The following SAMMSON variants were observed in gnomAD, a reference collection of about 807,000 sequenced individuals.
The protein encoded by SAMMSON is survival associated mitochondrial melanoma specific oncogenic non-coding RNA, also known as long intergenic non-protein coding RNA 1212.
chr3:70,198,057 A>G (rs1701198383), intron 4 of SAMMSON, among the ~76,000 whole-genome samples: 1 of 152,162 alleles, frequency 6.6e-6, no homozygotes, highest in Non-Finnish European at 1.5e-5. Flanking sequence ...TAAAATTTTA[A>G]CTTTTCTTTC....
chr3:70,101,518 G>A (rs2106654545), intron 4 of SAMMSON, among the ~76,000 whole-genome samples: 1 of 152,198 alleles, frequency 6.6e-6, no homozygotes, highest in East Asian at 1.9e-4. Flanking sequence ...TGCATTAATT[G>A]TATAGATTAA....
intron 4 of SAMMSON, among the ~76,000 whole-genome samples, chr3:70,186,617 G>A (rs1007795567): frequency 6.6e-6 from 1 of 152,076 alleles, no homozygotes; most frequent in Non-Finnish European, 1.5e-5. Context: ...ATAGTTGAAA[G>A]GGGTTTCATT....
chr3:70,029,854 T>C (rs963011054), intron 3 of SAMMSON, among the ~76,000 whole-genome samples: 1 of 152,176 alleles, frequency 6.6e-6, no homozygotes, highest in Non-Finnish European at 1.5e-5. Context: ...AAGAATTGGT[T>C]GAAATCCTTG....
intron 2 of SAMMSON, among the ~76,000 whole-genome samples, chr3:70,431,638 G>A (rs1701413295): frequency 6.6e-6 from 1 of 151,968 alleles, no homozygotes; most frequent in African/African-American, 2.4e-5. Flanking sequence ...ACAATTCACA[G>A]ATCTTAAGTC....
chr3:70,137,196 A>G (rs867349482), intron 4 of SAMMSON, among the ~76,000 whole-genome samples: 36 of 152,298 alleles, frequency 2.4e-4, no homozygotes, highest in Middle Eastern at 6.8e-3. Context: ...TGCCTTTTTT[A>G]CAAATGTAAA....
In SAMMSON at chr3:70,015,870, G is replaced by A. The variant is rs568220923; in HGVS notation, n.417+2198G>A. 5.3e-5 allele frequency among the ~76,000 whole-genome samples: 8 copies of A among 152,126 alleles called. No homozygotes were observed. The East Asian group carries it at 5.8e-4, about 11-fold the overall frequency. On this transcript the variant is annotated intron_variant and non_coding_transcript_variant, in intron 3 of 9. Coordinates refer to ENST00000642114, the Ensembl canonical transcript of SAMMSON. ...AGAATGATGGTTTCCAGCTTCATCCGTGTCCCTACAAAGGACATGAACTCA... is the reference window on the plus strand; with the variant it reads ...AGAATGATGGTTTCCAGCTTCATCCATGTCCCTACAAAGGACATGAACTCA...
chr3:70,048,937 T>G (rs1374707114), intron 3 of SAMMSON, among the ~76,000 whole-genome samples: 1 of 152,070 alleles, frequency 6.6e-6, no homozygotes, highest in African/African-American at 2.4e-5. Context: ...GCGGCAGGAT[T>G]TGGGATAATT....
intron 1 of SAMMSON, among the ~76,000 whole-genome samples, chr3:70,007,615 G>C (rs1448008041): frequency 2.0e-5 from 3 of 148,328 alleles, no homozygotes; most frequent in Non-Finnish European, 4.5e-5. Flanking sequence ...TCTGATTGTA[G>C]TTTTTTTTTT....
At chr3:70,424,900 G>A (rs1365105563) in intron 2 of SAMMSON, 1 of 152,108 alleles carries the variant, frequency 6.6e-6, no homozygotes, top group Non-Finnish European at 1.5e-5. Flanking sequence ...TACCTCGAGG[G>A]ATAGAATTGC....
chr3:70,120,380 C>G (rs542187115), intron 4 of SAMMSON: 6 of 152,156 alleles, frequency 3.9e-5, no homozygotes, highest in Non-Finnish European at 8.8e-5. Flanking sequence ...GAGAGCTAAT[C>G]TAGGATGAAG....
intron 4 of SAMMSON, among the ~76,000 whole-genome samples, chr3:70,166,485 A>G (rs2067637754): frequency 6.6e-6 from 1 of 151,978 alleles, no homozygotes; most frequent in Admixed American, 6.6e-5. Context: ...TCCAAAAAGA[A>G]CAAGATAACA....
chr3:70,283,403 G>A (rs1356050332), intron 6 of SAMMSON, among the ~76,000 whole-genome samples: 1 of 152,062 alleles, frequency 6.6e-6, no homozygotes, highest in Non-Finnish European at 1.5e-5. Flanking sequence ...TCAGGCTGAC[G>A]AATACTGAAA....
chr3:70,163,294 T>C (rs1279599138), intron 4 of SAMMSON, among the ~76,000 whole-genome samples: 2 of 150,236 alleles, frequency 1.3e-5, no homozygotes, highest in Non-Finnish European at 3.0e-5. Context: ...CTTTATTTTC[T>C]GACATATAAA....
At chr3:70,292,119 T>C (rs1559555957) in intron 7 of SAMMSON, 1 of 152,196 alleles carries the variant, frequency 6.6e-6, no homozygotes, top group Non-Finnish European at 1.5e-5. Flanking sequence ...GTTGTACTGG[T>C]AGCTCTGCAT....
downstream of SAMMSON, among the ~76,000 whole-genome samples, chr3:70,394,730 G>A (rs985736733): frequency 7.2e-5 from 11 of 152,018 alleles, no homozygotes; most frequent in Admixed American, 2.6e-4. Flanking sequence ...AAAACTATAC[G>A]TAAAATCACG....
intron 4 of SAMMSON, among the ~76,000 whole-genome samples, chr3:70,074,550 A>G (rs2067241529): frequency 1.3e-5 from 2 of 152,144 alleles, no homozygotes; most frequent in South Asian, 4.1e-4. Flanking sequence ...ATATAATTTG[A>G]TAGCACTAAT....
At chr3:70,294,395 G>A (rs1702269950) in intron 7 of SAMMSON, among the ~76,000 whole-genome samples, 1 of 152,060 alleles carries the variant, frequency 6.6e-6, no homozygotes, top group South Asian at 2.1e-4. Flanking sequence ...ATTCACTGCT[G>A]ACAGACACTA....
chr3:70,173,279 T>C (rs1700977412), intron 4 of SAMMSON, among the ~76,000 whole-genome samples: 1 of 152,010 alleles, frequency 6.6e-6, no homozygotes. Context: ...AAGTAGTCTC[T>C]GTTCTGTTTG....
At chr3:70,203,575 CA>C (rs1701261447) in intron 4 of SAMMSON, among the ~76,000 whole-genome samples, 1 of 151,896 alleles carries the variant, frequency 6.6e-6, no homozygotes, top group Non-Finnish European at 1.5e-5. Flanking sequence ...TTTTTCTGAG[CA>C]AATGAACTGA....
Sources: gnomAD v4.1 joint callset for allele counts (sites outside exome capture counted in the v4.1 genomes callset) on GRCh38, gnomAD v4.1.1 for gene constraint, MANE v1.5 for transcripts, NCBI Gene and HGNC (gene_info 2026-07-23, HGNC 2026-07-21) for gene names.